Variants in DCAF17 observed in about 807,000 individuals in gnomAD.
DCAF17 encodes DDB1 and CUL4 associated factor 17.
In DCAF17, 48 loss-of-function variants were observed where a neutral mutation model predicts 66.0. That is an observed-to-expected ratio of 0.73 (90% CI 0.58 to 0.92). DCAF17 has a LOEUF of 0.92. Ranked by LOEUF, DCAF17 falls within the 40% of genes least tolerant of loss-of-function variation. The pLI is 0.00. For missense variants in DCAF17, 562 were observed against 622.8 expected (o/e 0.90, Z 1.04); for synonymous variants, 206 against 214.6 (o/e 0.96, Z 0.35).
intron 4 of DCAF17, among the ~76,000 whole-genome samples, chr2:171,449,331 T>C (rs1694818698): frequency 6.6e-6 from 1 of 152,168 alleles, no homozygotes; most frequent in African/African-American, 2.4e-5. Flanking sequence ...GTATCCCTAA[T>C]AAGTAACTAA....
intron 4 of DCAF17, among the ~76,000 whole-genome samples, chr2:171,449,199 G>A (rs1452536681): frequency 6.6e-6 from 1 of 152,122 alleles, no homozygotes; most frequent in African/African-American, 2.4e-5. Flanking sequence ...GTAGAGCTGA[G>A]GTTTCCCTAT....
At chr2:171,442,064 G>A (rs1694335709) in intron 2 of DCAF17, among the ~76,000 whole-genome samples, 1 of 152,134 alleles carries the variant, frequency 6.6e-6, no homozygotes, top group Non-Finnish European at 1.5e-5. Context: ...GTGTTCTAAT[G>A]ATTAAATATT....
At chr2:171,438,498 A>G (rs956720831) in intron 2 of DCAF17, among the ~76,000 whole-genome samples, 2 of 152,142 alleles carry the variant, frequency 1.3e-5, no homozygotes, top group African/African-American at 2.4e-5. Context: ...TTGCATTTCT[A>G]TCCGTGTTTG....
chr2:171,484,949 A>C lies in DCAF17; in HGVS notation c.*3835A>C. ...TATTGCTGAGTATTCTTTCGTATGA[A>C]TATATCACAGTTTGTTTTTTTATCT... On this transcript the variant is annotated 3_prime_UTR_variant, in exon 14 of 14. Coordinates refer to ENST00000375255, the MANE Select transcript of DCAF17 (RefSeq NM_025000.4). 2.2e-6 allele frequency: 1 copy of C among 454,066 alleles called. No homozygotes were observed. The highest frequency in any genetic ancestry group is 4.4e-6 in the Non-Finnish European group (1 of 226,786). 28.1% of individuals were successfully genotyped at this position (454,066 alleles called of 1,614,324 possible).
At chr2:171,458,969 A>G (rs1695420464) in intron 8 of DCAF17, among the ~76,000 whole-genome samples, 1 of 152,224 alleles carries the variant, frequency 6.6e-6, no homozygotes, top group Admixed American at 6.5e-5. Context: ...GTCTATAAAT[A>G]TAGTAAAAAT....
intron 1 of DCAF17, 38 bp downstream of exon 1, chr2:171,434,741 G>A (rs1478066454): frequency 1.1e-5 from 16 of 1,395,212 alleles, no homozygotes; most frequent in Non-Finnish European, 1.5e-5. Flanking sequence ...GGAGGGCCGC[G>A]GGCGCGCGGC....
chr2:171,468,435 A>T (rs1438222973), intron 8 of DCAF17, among the ~76,000 whole-genome samples: 2 of 152,164 alleles, frequency 1.3e-5, no homozygotes, highest in Non-Finnish European at 2.9e-5. Context: ...TTAGTCCAGG[A>T]TGTGGAAGAT....
intron 5 of DCAF17, among the ~76,000 whole-genome samples, chr2:171,451,796 G>A (rs542840789): frequency 2.6e-5 from 4 of 152,190 alleles, no homozygotes; most frequent in African/African-American, 4.8e-5. Flanking sequence ...GCATGGTCTC[G>A]ATCTCTTGAC....
rs59827170 is a variant in DCAF17, at chr2:171,484,943, G to C, written c.*3829G>C. The C allele has an allele frequency of 2.2e-6, 1 of 453,906 alleles. No homozygotes were observed. Among genetic ancestry groups the C allele is most frequent in the East Asian group, 6.9e-5 (1 of 14,398 alleles). The allele number at this position is 453,906 out of a possible 1,614,324, so 28.1% of individuals were successfully genotyped here. On this transcript the variant is annotated 3_prime_UTR_variant, in exon 14 of 14. Transcript: ENST00000375255. ...TCTTTTTATTGCTGAGTATTCTTTC[G>C]TATGAATATATCACAGTTTGTTTTT... is the stretch of plus-strand genomic sequence containing the variant.
In DCAF17 at chr2:171,435,034, T is replaced by G. The variant is rs142320900; in HGVS notation, c.127-49T>G. On this transcript the variant is annotated intron_variant, in intron 1 of 13. Coordinates refer to ENST00000375255, the MANE Select transcript of DCAF17 (RefSeq NM_025000.4). Reference sequence around the variant, plus strand: ...TTGCTTTGAAAATTTAAAATCTAACTTAAAGCCTAAGAGTTCTTTCCTGAA... The same window carrying G: ...TTGCTTTGAAAATTTAAAATCTAACGTAAAGCCTAAGAGTTCTTTCCTGAA... The G allele has an allele frequency of 1.8e-3, 2,584 of 1,414,502 alleles. 40 individuals carry two copies. In the African/African-American group the frequency reaches 0.031, roughly 17 times the overall value. The allele number at this position is 1,414,502 out of a possible 1,614,324, so 87.6% of individuals were successfully genotyped here. A position where few individuals can be genotyped will look rare whatever the true frequency, so the allele number is the denominator to read the frequency against.
In DCAF17 at chr2:171,483,332, G is replaced by A; in HGVS notation, c.*2218G>A. ...ACTAGTGACAGGTACAAAACATTAT[G>A]GGTAACAATTCTGAGTGTTTAATGC... On this transcript the variant is annotated 3_prime_UTR_variant, in exon 14 of 14. Coordinates refer to ENST00000375255, the MANE Select transcript of DCAF17 (RefSeq NM_025000.4). 1 of 454,060 alleles carries A rather than the reference G, an allele frequency of 2.2e-6. No homozygotes were observed. Among genetic ancestry groups the A allele is most frequent in the Non-Finnish European group, 4.4e-6 (1 of 226,778 alleles). The allele number at this position is 454,060 out of a possible 1,614,324, so 28.1% of individuals were successfully genotyped here.
chr2:171,456,955 T>C (rs1695294348), intron 6 of DCAF17, among the ~76,000 whole-genome samples: 1 of 152,246 alleles, frequency 6.6e-6, no homozygotes, highest in African/African-American at 2.4e-5. Context: ...TTTCTTCCTA[T>C]TTGAATGCCT....
chr2:171,434,861 A>G (rs929681698), intron 1 of DCAF17, 158 bp downstream of exon 1: 5 of 1,174,378 alleles, frequency 4.3e-6, no homozygotes, highest in Non-Finnish European at 5.8e-6. Context: ...AGGTGGTAAT[A>G]GGGCCACCAG....
At position 171,483,587 on chromosome 2, in the gene DCAF17, G is replaced by A. The variant is rs57999878; in HGVS notation, c.*2473G>A. Reference sequence around the variant, plus strand: ...CTACCTAGTGAGGAGATACCGCTCTGTTTAGACAAATTAAGGCACTTCACA... The same window carrying A: ...CTACCTAGTGAGGAGATACCGCTCTATTTAGACAAATTAAGGCACTTCACA... On this transcript the variant is annotated 3_prime_UTR_variant, in exon 14 of 14. Transcript: ENST00000375255. 0.017 allele frequency: 7,654 copies of A among 454,048 alleles called. 468 individuals are homozygous for A. Among genetic ancestry groups the A allele is most frequent in the African/African-American group, 0.13 (6,515 of 50,076 alleles). 28.1% of individuals were successfully genotyped at this position (454,048 alleles called of 1,614,324 possible). A position where few individuals can be genotyped will look rare whatever the true frequency, so the allele number is the denominator to read the frequency against.
intron 3 of DCAF17, among the ~76,000 whole-genome samples, chr2:171,445,523 A>G (rs888876004): frequency 3.9e-5 from 6 of 152,156 alleles, no homozygotes; most frequent in Admixed American, 2.6e-4. Context: ...TTATTAACAC[A>G]CTGATATGAA....
intron 8 of DCAF17, among the ~76,000 whole-genome samples, chr2:171,465,587 A>G (rs1477507870): frequency 2.0e-5 from 3 of 151,970 alleles, no homozygotes; most frequent in Non-Finnish European, 4.4e-5. Flanking sequence ...GGTTCAACCA[A>G]TTCTGCCTCA....
At chr2:171,447,444 TC>T in intron 3 of DCAF17, 1 of 265,530 alleles carries the variant, frequency 3.8e-6, no homozygotes, top group South Asian at 3.2e-5. Context: ...CACCGCAACC[TC>T]CACCTCCCGG....
chr2:171,457,752 C>T (rs1238911236), intron 6 of DCAF17, among the ~76,000 whole-genome samples: 1 of 152,198 alleles, frequency 6.6e-6, no homozygotes, highest in Non-Finnish European at 1.5e-5. Flanking sequence ...ATGTGTGCCG[C>T]ACTTCCATTA....
At chr2:171,462,705 G>T (rs964799771) in intron 8 of DCAF17, among the ~76,000 whole-genome samples, 1 of 151,996 alleles carries the variant, frequency 6.6e-6, no homozygotes, top group African/African-American at 2.4e-5. Context: ...TTCAGTACTA[G>T]GAATTTATCC....
Sources: allele counts gnomAD v4.1 joint callset (sites outside exome capture counted in the v4.1 genomes callset), GRCh38; gene constraint gnomAD v4.1.1; transcripts MANE v1.5; gene names NCBI Gene and HGNC (gene_info 2026-07-23, HGNC 2026-07-21).